Variants in PTPRD observed in about 807,000 individuals in gnomAD.
The protein encoded by PTPRD is receptor-type tyrosine-protein phosphatase delta.
Under a neutral mutation model 214.5 loss-of-function variants are expected in PTPRD, and 34 were observed. The ratio of observed to expected loss-of-function variants is 0.16; its 90% CI spans 0.12 to 0.21. PTPRD has a LOEUF of 0.21. Among genes scored for constraint, PTPRD ranks in the 10% least tolerant of loss-of-function variants. The pLI, the probability that PTPRD is intolerant of heterozygous loss-of-function variation, is 1.00. For synonymous variants in PTPRD, 1,128 were observed against 845.7 expected, an observed-to-expected ratio of 1.33 and a Z score of -5.79; for missense variants, 2,545 against 2,398.7, an observed-to-expected ratio of 1.06 and a Z score of -1.27.
chr9:9,760,599 TACACACACACACACAC>T (rs146209140), intron 6 of PTPRD, among the ~76,000 whole-genome samples: 1,670 of 107,878 alleles, frequency 0.015, 32 homozygotes, highest in African/African-American at 0.053. Context: ...TCAGCTATCA[TACACACACACACACAC>T]ACACACACAC....
chr9:8,736,634 G>A (rs756353031), intron 11 of PTPRD, among the ~76,000 whole-genome samples: 44 of 151,568 alleles, frequency 2.9e-4, no homozygotes, highest in African/African-American at 8.2e-4. Context: ...ATTCATAAGC[G>A]GTTTGAATGC....
At chr9:9,337,112 T>C (rs1158338663) in intron 9 of PTPRD, among the ~76,000 whole-genome samples, 2 of 152,132 alleles carry the variant, frequency 1.3e-5, no homozygotes, top group African/African-American at 2.4e-5. Flanking sequence ...AACATTTCTT[T>C]CCCAACCTTG....
At chr9:8,455,725 T>C (rs1325869024) in intron 33 of PTPRD, among the ~76,000 whole-genome samples, 1 of 152,224 alleles carries the variant, frequency 6.6e-6, no homozygotes, top group East Asian at 1.9e-4. Flanking sequence ...GTGATTTACG[T>C]AGTGTGCCAG....
intron 11 of PTPRD, among the ~76,000 whole-genome samples, chr9:8,870,708 A>ACACACACACAC (rs1555457985): frequency 1.3e-5 from 2 of 150,832 alleles, no homozygotes; most frequent in East Asian, 2.0e-4. Context: ...ACACACACAC[A>ACACACACACAC]CACACACACA....
At chr9:10,457,068 C>G (rs1289762738) in intron 2 of PTPRD, among the ~76,000 whole-genome samples, 1 of 151,758 alleles carries the variant, frequency 6.6e-6, no homozygotes, top group African/African-American at 2.4e-5. Flanking sequence ...ATACACATCT[C>G]ATTGTTTTAT....
chr9:9,659,910 A>T (rs1450893326), intron 7 of PTPRD, among the ~76,000 whole-genome samples: 2 of 152,106 alleles, frequency 1.3e-5, no homozygotes, highest in African/African-American at 4.8e-5. Context: ...GTGAGGAAGC[A>T]ACTTTATAGT....
chr9:8,990,240 A>G (rs2099361061), intron 11 of PTPRD, among the ~76,000 whole-genome samples: 1 of 152,182 alleles, frequency 6.6e-6, no homozygotes, highest in Non-Finnish European at 1.5e-5. Context: ...AGAGATTGCA[A>G]CACACTAAAG....
chr9:10,544,456 C>T (rs1168416862), intron 2 of PTPRD, among the ~76,000 whole-genome samples: 1 of 151,970 alleles, frequency 6.6e-6, no homozygotes. Context: ...TTTTCTTTAA[C>T]AGTGTACTTA....
intron 2 of PTPRD, among the ~76,000 whole-genome samples, chr9:10,408,071 A>G (rs574636247): frequency 2.0e-5 from 3 of 151,648 alleles, no homozygotes; most frequent in South Asian, 2.1e-4. Flanking sequence ...ATTATAGTTT[A>G]CTATGGTGAT....
chr9:8,514,184 T>C (rs562934474), intron 21 of PTPRD, among the ~76,000 whole-genome samples: 4 of 152,238 alleles, frequency 2.6e-5, no homozygotes, highest in African/African-American at 7.2e-5. Flanking sequence ...AATAAAGATA[T>C]GGTCTGTCTA....
chr9:10,141,632 C>T (rs940594329), intron 3 of PTPRD, among the ~76,000 whole-genome samples: 3 of 151,994 alleles, frequency 2.0e-5, no homozygotes, highest in African/African-American at 7.3e-5. Flanking sequence ...ATATTCCATG[C>T]TCATGGGTAG....
At chr9:9,120,739 A>G (rs928354249) in intron 10 of PTPRD, among the ~76,000 whole-genome samples, 1 of 152,164 alleles carries the variant, frequency 6.6e-6, no homozygotes, top group African/African-American at 2.4e-5. Context: ...AATTTCCTTC[A>G]GGTATTCTTT....
At chr9:8,563,113 G>A (rs1259719357) in intron 14 of PTPRD, among the ~76,000 whole-genome samples, 1 of 152,128 alleles carries the variant, frequency 6.6e-6, no homozygotes, top group Non-Finnish European at 1.5e-5. Flanking sequence ...TAATAAGCCT[G>A]AGTGTCAGCT....
chr9:8,732,779 C>T (rs917475014), intron 12 of PTPRD, among the ~76,000 whole-genome samples: 1 of 152,112 alleles, frequency 6.6e-6, no homozygotes, highest in Non-Finnish European at 1.5e-5. Context: ...TGAGGGAATT[C>T]CTGTCAAAAT....
At chr9:9,449,656 T>G (rs1018469192) in intron 8 of PTPRD, among the ~76,000 whole-genome samples, 1 of 152,038 alleles carries the variant, frequency 6.6e-6, no homozygotes, top group Non-Finnish European at 1.5e-5. Flanking sequence ...CTCATTCACA[T>G]TGTCTAGAAA....
Position 10,494,624 on chromosome 9 carries a change from G to T in PTPRD, c.-600+117774C>A, listed in dbSNP as rs569209618. On this transcript the variant is annotated intron_variant, in intron 2 of 45. Coordinates refer to ENST00000381196, the MANE Select transcript of PTPRD (RefSeq NM_002839.4). ...TTTAGGTCTTTTCTCTCAGTCTGGG[G>T]CTTTTTTTTTTTCACTCTAACAAAT... Among the ~76,000 whole-genome samples the T allele has an allele frequency of 2.8e-3, 414 of 147,646 alleles. 1 individual carries two copies. The highest frequency in any genetic ancestry group is 0.01 in the African/African-American group (405 of 40,454).
intron 10 of PTPRD, among the ~76,000 whole-genome samples, chr9:9,150,283 A>G (rs533408857): frequency 2.0e-5 from 3 of 152,148 alleles, no homozygotes; most frequent in African/African-American, 7.2e-5. Context: ...AAAAGTCTCA[A>G]TATAAATGCA....
intron 9 of PTPRD, among the ~76,000 whole-genome samples, chr9:9,367,233 T>A (rs117734960): frequency 0.027 from 4,021 of 151,392 alleles, 79 homozygotes; most frequent in South Asian, 0.044. Flanking sequence ...TCTATATAGA[T>A]TACAGTGGGG....
At chr9:9,159,905 T>C (rs1206219450) in intron 10 of PTPRD, among the ~76,000 whole-genome samples, 5 of 152,090 alleles carry the variant, frequency 3.3e-5, no homozygotes, top group Non-Finnish European at 4.4e-5. Flanking sequence ...ATCTAGTCAT[T>C]TGTGGGCAAT....
Sources: allele counts gnomAD v4.1 joint callset (sites outside exome capture counted in the v4.1 genomes callset), GRCh38; gene constraint gnomAD v4.1.1; transcripts MANE v1.5; gene names NCBI Gene and HGNC (gene_info 2026-07-23, HGNC 2026-07-21).